TENM2: variants seen among roughly 807,000 people sequenced by gnomAD.
The protein encoded by TENM2 is teneurin-2.
Under a neutral mutation model 245.2 loss-of-function variants are expected in TENM2, and 52 were observed. That is an observed-to-expected ratio of 0.21 (90% confidence interval 0.17 to 0.27). The LOEUF is 0.27. Among genes scored for constraint, TENM2 ranks in the 10% least tolerant of loss-of-function variants. The pLI, the probability that TENM2 is intolerant of heterozygous loss-of-function variation, is 1.00. For synonymous variants in TENM2, 1,363 were observed against 1,438.9 expected (o/e 0.95, Z 1.19); for missense variants, 3,046 against 3,666.8 (o/e 0.83, Z 4.37).
At chr5:167,482,438 T>C (rs1165203528) in intron 2 of TENM2, among the ~76,000 whole-genome samples, 3 of 152,198 alleles carry the variant, frequency 2.0e-5, no homozygotes, top group Non-Finnish European at 4.4e-5. Context: ...CCCCCTCCTT[T>C]TTAATAATAT....
At chr5:166,984,088 G>A in the TENM2 span, among the ~76,000 whole-genome samples, 1 of 152,090 alleles carries the variant, frequency 6.6e-6, no homozygotes, top group African/African-American at 2.4e-5. Flanking sequence ...AATATTAGAA[G>A]TTTTGTATAA....
chr5:167,860,230 G>A (rs1227460066), intron 2 of TENM2, among the ~76,000 whole-genome samples: 73 of 129,108 alleles, frequency 5.7e-4, no homozygotes, highest in African/African-American at 9.8e-4. Context: ...CCGTCCGGGA[G>A]GGAGGTGGGG....
At chr5:168,259,639 C>A (rs956034305) in intron 27 of TENM2, among the ~76,000 whole-genome samples, 8 of 152,166 alleles carry the variant, frequency 5.3e-5, no homozygotes, top group African/African-American at 1.9e-4. Flanking sequence ...GTCCAGAGGA[C>A]TCTGCTTTCC....
At chr5:167,151,494 T>TA in the TENM2 span, among the ~76,000 whole-genome samples, 1 of 152,176 alleles carries the variant, frequency 6.6e-6, no homozygotes, top group African/African-American at 2.4e-5. Flanking sequence ...TATTTACAGC[T>TA]AAAAAGCAAA....
intron 1 of TENM2, among the ~76,000 whole-genome samples, chr5:167,301,355 G>A (rs924034577): frequency 6.6e-6 from 1 of 152,214 alleles, no homozygotes; most frequent in Non-Finnish European, 1.5e-5. Flanking sequence ...CTTGTAGCAA[G>A]CTCCTGGGGG....
intron 5 of TENM2, among the ~76,000 whole-genome samples, chr5:167,998,438 G>A (rs1296657718): frequency 6.6e-6 from 1 of 152,180 alleles, no homozygotes; most frequent in Non-Finnish European, 1.5e-5. Context: ...TGCTTCTCAT[G>A]TGTGACTCTG....
chr5:168,209,466 G>T (rs1037531278), intron 19 of TENM2, among the ~76,000 whole-genome samples: 25 of 152,160 alleles, frequency 1.6e-4, no homozygotes, highest in African/African-American at 6.0e-4. Flanking sequence ...ATTTAACTGG[G>T]TGCTAAAGGG....
rs767675565 is a variant in TENM2, at chr5:167,782,313, CAAA to C, written c.503-93649_503-93647del. On this transcript the variant is annotated intron_variant, in intron 2 of 28. Transcript: ENST00000518659. ...GGGCAACAAGAGCAAAACTCTGTCT[CAAA>C]AAAAAAAAAAAAAAAAAAAAAAATT... Among the ~76,000 whole-genome samples, 52 of 58,752 alleles carry C rather than the reference CAAA, an allele frequency of 8.9e-4. 1 individual carries two copies. Among genetic ancestry groups the C allele is most frequent in the East Asian group, 4.8e-3 (12 of 2,478 alleles). The allele number at this position is 58,752 out of a possible 152,430, so 38.5% of individuals were successfully genotyped here.
chr5:167,668,828 C>T (rs1234873916), intron 2 of TENM2, among the ~76,000 whole-genome samples: 2 of 152,062 alleles, frequency 1.3e-5, no homozygotes, highest in Non-Finnish European at 2.9e-5. Flanking sequence ...GTGGTGCACC[C>T]CTGTAGTCCC....
rs377373966 is a variant in TENM2 at position 167,454,901 on chromosome 5, G to A, written c.502+79428G>A. Among the ~76,000 whole-genome samples the A allele has an allele frequency of 3.3e-5, 5 of 152,170 alleles. No homozygotes were observed. In the East Asian group the frequency reaches 9.6e-4, roughly 29 times the overall value. ...GTGATGGAGTTGTCCTCTCCCAAAT[G>A]ATGTTGACTAAACCAGGGCAAGGGA... On this transcript the variant is annotated intron_variant, in intron 2 of 28. Coordinates refer to ENST00000518659, the Ensembl canonical transcript of TENM2.
At chr5:167,166,872 A>G in the TENM2 span, among the ~76,000 whole-genome samples, 1 of 152,174 alleles carries the variant, frequency 6.6e-6, no homozygotes, top group Admixed American at 6.5e-5. Context: ...ATTTCTCAGG[A>G]ATCTCAAACC....
At chr5:167,896,412 C>T (rs1467401825) in intron 3 of TENM2, among the ~76,000 whole-genome samples, 2 of 152,130 alleles carry the variant, frequency 1.3e-5, no homozygotes, top group African/African-American at 4.8e-5. Flanking sequence ...GTCTGCCTTC[C>T]GTGGATTATA....
the TENM2 span, among the ~76,000 whole-genome samples, chr5:166,985,775 C>G: frequency 3.3e-5 from 5 of 151,898 alleles, no homozygotes. Flanking sequence ...TCCAAGAAAA[C>G]AAGGGGGTGA....
chr5:167,873,055 AAATCTGTTCCTACCAGAGCCTCGCT>A (rs1175499083), intron 2 of TENM2, among the ~76,000 whole-genome samples: 3 of 152,238 alleles, frequency 2.0e-5, no homozygotes, highest in African/African-American at 7.2e-5. Context: ...TTGTGAGTTA[AAATCTGTTCCTACCAGAGCCTCGCT>A]GCTAAGTGGA....
chr5:168,201,498 C>T (rs1368374824), intron 17 of TENM2, among the ~76,000 whole-genome samples: 1 of 152,222 alleles, frequency 6.6e-6, no homozygotes, highest in South Asian at 2.1e-4. Context: ...GTCTACTCCC[C>T]TTTCTCCTGT....
At chr5:167,385,994 G>T (rs1357650971) in intron 2 of TENM2, among the ~76,000 whole-genome samples, 1 of 151,812 alleles carries the variant, frequency 6.6e-6, no homozygotes, top group Non-Finnish European at 1.5e-5. Context: ...ACACGCGTGT[G>T]CAAGTATCTT....
At chr5:167,756,592 C>T (rs150149984) in intron 2 of TENM2, among the ~76,000 whole-genome samples, 1,995 of 152,310 alleles carry the variant, frequency 0.013, 17 homozygotes, top group Non-Finnish European at 0.022. Flanking sequence ...AAACCCCACA[C>T]TTCAATTATC....
chr5:167,750,798 G>C (rs12188727), intron 2 of TENM2, among the ~76,000 whole-genome samples: 14,901 of 152,142 alleles, frequency 0.098, 928 homozygotes, highest in African/African-American at 0.17. Context: ...TGTCAGGACT[G>C]TTATTTTATA....
At chr5:167,745,461 T>C (rs760668416) in intron 2 of TENM2, among the ~76,000 whole-genome samples, 5 of 152,220 alleles carry the variant, frequency 3.3e-5, no homozygotes, top group Non-Finnish European at 7.3e-5. Context: ...GGGAGATTTC[T>C]TACTGCTGAA....
Sources: gnomAD v4.1 joint callset for allele counts (sites outside exome capture counted in the v4.1 genomes callset) on GRCh38, gnomAD v4.1.1 for gene constraint, MANE v1.5 for transcripts, NCBI Gene and HGNC (gene_info 2026-07-23, HGNC 2026-07-21) for gene names.